The following ASIC2 variants were observed in gnomAD, a reference collection of about 807,000 sequenced individuals.
The protein encoded by ASIC2 is acid sensing ion channel subunit 2, also known as acid-sensing ion channel 2.
A neutral mutation model predicts 57.3 loss-of-function variants in ASIC2; 25 were observed. The ratio of observed to expected loss-of-function variants is 0.44; its 90% CI spans 0.32 to 0.61. The LOEUF (loss-of-function observed/expected upper bound fraction) is 0.61, where lower values mean the gene tolerates loss of function less well. ASIC2 is among the 20% of genes least tolerant of loss of function. ASIC2 has a pLI of 0.06. For synonymous variants in ASIC2, 319 were observed against 307.5 expected (o/e 1.04, Z -0.39); for missense variants, 641 against 738.1 (o/e 0.87, Z 1.52).
intron 1 of ASIC2, among the ~76,000 whole-genome samples, chr17:33,578,427 T>C (rs952171219): frequency 6.6e-6 from 1 of 152,194 alleles, no homozygotes; most frequent in Non-Finnish European, 1.5e-5. Context: ...ACCTTACTCA[T>C]TTACAGTATC....
intron 1 of ASIC2, among the ~76,000 whole-genome samples, chr17:33,325,896 G>A (rs1907058920): frequency 6.6e-6 from 1 of 152,162 alleles, no homozygotes. Flanking sequence ...GTGCAGTTGG[G>A]GGGCTGGTAA....
chr17:33,286,600 G>A (rs1257317967), intron 1 of ASIC2, among the ~76,000 whole-genome samples: 2 of 152,134 alleles, frequency 1.3e-5, no homozygotes, highest in African/African-American at 4.8e-5. Context: ...TCATGTCTCT[G>A]AACTCTTGCA....
chr17:33,433,103 A>G (rs569673268), intron 1 of ASIC2, among the ~76,000 whole-genome samples: 1 of 152,358 alleles, frequency 6.6e-6, no homozygotes, highest in South Asian at 2.1e-4. Flanking sequence ...ATGCACATGT[A>G]TGTTCACTGA....
At chr17:33,977,690 C>T (rs1905444705) in intron 1 of ASIC2, among the ~76,000 whole-genome samples, 1 of 152,192 alleles carries the variant, frequency 6.6e-6, no homozygotes, top group South Asian at 2.1e-4. Flanking sequence ...CGTTTACTTT[C>T]CCCTTCCCTC....
chr17:33,864,342 A>G (rs1168721800), intron 1 of ASIC2, among the ~76,000 whole-genome samples: 1 of 152,246 alleles, frequency 6.6e-6, no homozygotes, highest in Non-Finnish European at 1.5e-5. Context: ...CGTAGGAAGC[A>G]TGCAGATATA....
intron 1 of ASIC2, among the ~76,000 whole-genome samples, chr17:33,863,483 C>T (rs1914147770): frequency 6.6e-6 from 1 of 152,228 alleles, no homozygotes; most frequent in African/African-American, 2.4e-5. Flanking sequence ...GGCCAAACAA[C>T]TGTCAGCAGA....
intron 1 of ASIC2, among the ~76,000 whole-genome samples, chr17:33,993,972 A>G (rs1906077394): frequency 6.6e-6 from 1 of 152,198 alleles, no homozygotes; most frequent in Non-Finnish European, 1.5e-5. Flanking sequence ...CAACCAGATT[A>G]GGGAACCCCA....
chr17:33,066,740 A>G (rs1022156760), intron 3 of ASIC2, among the ~76,000 whole-genome samples: 1 of 152,196 alleles, frequency 6.6e-6, no homozygotes, highest in Non-Finnish European at 1.5e-5. Flanking sequence ...GCTACCTGCT[A>G]TACCTGGAAA....
intron 2 of ASIC2, among the ~76,000 whole-genome samples, chr17:33,098,116 T>C (rs1205578652): frequency 1.3e-5 from 2 of 152,188 alleles, no homozygotes; most frequent in Non-Finnish European, 2.9e-5. Flanking sequence ...CAGGGGCTGA[T>C]CTCTCAGGTT....
intron 1 of ASIC2, among the ~76,000 whole-genome samples, chr17:33,216,975 A>G (rs1383833632): frequency 1.3e-5 from 2 of 152,210 alleles, no homozygotes; most frequent in African/African-American, 2.4e-5. Flanking sequence ...GTAAATCAGT[A>G]GCTACAGGTC....
intron 1 of ASIC2, among the ~76,000 whole-genome samples, chr17:33,879,079 G>A (rs28850300): frequency 0.017 from 2,534 of 152,166 alleles, 37 homozygotes; most frequent in Non-Finnish European, 0.026. Context: ...TCACCACCAG[G>A]CCTGCCCTAA....
At chr17:33,379,246 TTA>T (rs1909389778) in intron 1 of ASIC2, among the ~76,000 whole-genome samples, 1 of 152,162 alleles carries the variant, frequency 6.6e-6, no homozygotes, top group Admixed American at 6.5e-5. Flanking sequence ...ACTGAACAAG[TTA>T]CTTACTCCTC....
intron 1 of ASIC2, among the ~76,000 whole-genome samples, chr17:33,268,817 C>T (rs1261399206): frequency 1.3e-5 from 2 of 152,188 alleles, no homozygotes; most frequent in Non-Finnish European, 2.9e-5. Flanking sequence ...GTTTATGCCG[C>T]TTCACCTAGT....
intron 1 of ASIC2, among the ~76,000 whole-genome samples, chr17:33,318,116 C>T (rs529042787): frequency 1.8e-4 from 28 of 152,216 alleles, no homozygotes; most frequent in Middle Eastern, 3.4e-3. Flanking sequence ...CAGCCTCCAG[C>T]GACATTGCGG....
intron 1 of ASIC2, among the ~76,000 whole-genome samples, chr17:33,610,054 G>GCGCGCACACACACACACACACA (rs375575593): frequency 1.0e-4 from 15 of 144,848 alleles, no homozygotes; most frequent in African/African-American, 3.9e-4. Context: ...GGACAGAGGC[G>GCGCGCACACACACACACACACA]CACACACACA....
At chr17:33,823,575 T>C (rs1459428686) in intron 1 of ASIC2, among the ~76,000 whole-genome samples, 2 of 152,212 alleles carry the variant, frequency 1.3e-5, no homozygotes, top group African/African-American at 4.8e-5. Context: ...CTTACACTGA[T>C]AGTGTCTCTT....
chr17:33,376,106 G>T (rs1042355928), intron 1 of ASIC2, among the ~76,000 whole-genome samples: 2 of 152,128 alleles, frequency 1.3e-5, no homozygotes, highest in Admixed American at 1.3e-4. Context: ...TAGACTGGAA[G>T]ACATACCCTA....
At chr17:33,646,016 T>C (rs1041539867) in intron 1 of ASIC2, among the ~76,000 whole-genome samples, 2 of 152,126 alleles carry the variant, frequency 1.3e-5, no homozygotes, top group African/African-American at 4.8e-5. Flanking sequence ...TGGTGCACAG[T>C]AGAGCTGGGA....
chr17:33,738,215 G>A (rs929922753), intron 1 of ASIC2, among the ~76,000 whole-genome samples: 5 of 152,244 alleles, frequency 3.3e-5, no homozygotes, highest in African/African-American at 7.2e-5. Flanking sequence ...CCCAAAGCAG[G>A]AGCCCCTGTT....
Sources: allele counts gnomAD v4.1 joint callset (sites outside exome capture counted in the v4.1 genomes callset), GRCh38; gene constraint gnomAD v4.1.1; transcripts MANE v1.5; gene names NCBI Gene and HGNC (gene_info 2026-07-23, HGNC 2026-07-21).